Variants in MPHOSPH6 observed in about 807,000 individuals in gnomAD.
MPHOSPH6 encodes the protein M-phase phosphoprotein 6.
In MPHOSPH6, 25 loss-of-function variants were observed where a neutral mutation model predicts 21.8. That is an observed-to-expected ratio of 1.15 (90% CI 0.83 to 1.60). The LOEUF (loss-of-function observed/expected upper bound fraction) is 1.60. MPHOSPH6 is among the 40% of genes most tolerant of loss of function. The probability of loss-of-function intolerance (pLI) is 0.00; values close to 1 mark genes in which losing one functional copy is unlikely to be tolerated. For synonymous variants in MPHOSPH6, 84 were observed against 56.5 expected (o/e 1.49, Z -2.18); for missense variants, 269 against 181.8 (o/e 1.48, Z -2.76).
chr16:82,162,666 G>A (rs1167319261), intron 2 of MPHOSPH6, among the ~76,000 whole-genome samples: 2 of 152,158 alleles, frequency 1.3e-5, no homozygotes, highest in East Asian at 3.9e-4. Flanking sequence ...ACTGCCCCGA[G>A]GGGCCCCCCT....
intron 2 of MPHOSPH6, among the ~76,000 whole-genome samples, chr16:82,161,408 T>C (rs7202258): frequency 0.81 from 123,728 of 152,218 alleles, 50,380 homozygotes; most frequent in Admixed American, 0.85. Context: ...GTATAAGATG[T>C]ACAATAGCCA....
intron 1 of MPHOSPH6, among the ~76,000 whole-genome samples, chr16:82,165,414 G>A (rs1906741928): frequency 6.6e-6 from 1 of 151,936 alleles, no homozygotes; most frequent in Non-Finnish European, 1.5e-5. Flanking sequence ...GTGAGCCGCT[G>A]CGCCCGGCCC....
chr16:82,153,804 T>C (rs759698011), intron 2 of MPHOSPH6, among the ~76,000 whole-genome samples: 7 of 152,172 alleles, frequency 4.6e-5, no homozygotes, highest in Non-Finnish European at 8.8e-5. Context: ...GCTGACAAAA[T>C]TGGTGGCTTA....
At chr16:82,152,570 C>T (rs75757855) in intron 2 of MPHOSPH6, among the ~76,000 whole-genome samples, 21,431 of 152,116 alleles carry the variant, frequency 0.14, 2,228 homozygotes, top group East Asian at 0.34. Context: ...GCTGAAGGGG[C>T]AGAATTGGAA....
At chr16:82,158,039 G>A (rs1253352821) in intron 2 of MPHOSPH6, among the ~76,000 whole-genome samples, 1 of 152,158 alleles carries the variant, frequency 6.6e-6, no homozygotes, top group African/African-American at 2.4e-5. Flanking sequence ...TACCCTGGTA[G>A]TTACATTCTT....
At chr16:82,154,454 CAA>C (rs1291055020) in intron 2 of MPHOSPH6, among the ~76,000 whole-genome samples, 1 of 151,856 alleles carries the variant, frequency 6.6e-6, no homozygotes, top group Non-Finnish European at 1.5e-5. Flanking sequence ...TGCAAGGAAG[CAA>C]GAAAATGTAA....
At chr16:82,160,433 A>G (rs1394328400) in intron 2 of MPHOSPH6, among the ~76,000 whole-genome samples, 1 of 152,294 alleles carries the variant, frequency 6.6e-6, no homozygotes, top group African/African-American at 2.4e-5. Context: ...ATTCCTGCAC[A>G]TTTTTTGAGT....
intron 2 of MPHOSPH6, among the ~76,000 whole-genome samples, chr16:82,159,631 C>A (rs1342049673): frequency 6.6e-6 from 1 of 152,172 alleles, no homozygotes; most frequent in Non-Finnish European, 1.5e-5. Flanking sequence ...TGGTCTCGAT[C>A]TCCTGACGTC....
intron 2 of MPHOSPH6, among the ~76,000 whole-genome samples, chr16:82,151,780 A>G (rs1221144647): frequency 6.6e-6 from 1 of 152,240 alleles, no homozygotes; most frequent in African/African-American, 2.4e-5. Flanking sequence ...ATAAAGATCT[A>G]AAGTATTGAC....
chr16:82,166,570 G>A (rs1407154045), intron 1 of MPHOSPH6, among the ~76,000 whole-genome samples: 2 of 152,154 alleles, frequency 1.3e-5, no homozygotes, highest in African/African-American at 2.4e-5. Context: ...CCAGGACTAC[G>A]ATTCTGAATA....
chr16:82,158,047 C>T (rs1015719636), intron 2 of MPHOSPH6, among the ~76,000 whole-genome samples: 3 of 152,138 alleles, frequency 2.0e-5, no homozygotes, highest in Non-Finnish European at 4.4e-5. Context: ...TAGTTACATT[C>T]TTCACTGCCA....
At chr16:82,168,191 A>G (rs919792883) in intron 1 of MPHOSPH6, among the ~76,000 whole-genome samples, 1 of 152,196 alleles carries the variant, frequency 6.6e-6, no homozygotes, top group Non-Finnish European at 1.5e-5. Context: ...TGAGTCACCC[A>G]GTACATCATC....
intron 3 of MPHOSPH6, 142 bp from the exon 4 acceptor site, chr16:82,149,545 T>C (rs949665727): frequency 5.6e-6 from 4 of 708,242 alleles, no homozygotes; most frequent in Admixed American, 4.3e-5. Flanking sequence ...TCTGTAATAC[T>C]TGATACCACA....
At position 82,164,255 on chromosome 16, in the gene MPHOSPH6, C is replaced by T; in HGVS notation, c.52-61G>A. ...TCCCATTTTAGAACTGAGGAAACCCCAAATAATTTTCTTCTTCTACTTGTT... is the reference window on the plus strand; with the variant it reads ...TCCCATTTTAGAACTGAGGAAACCCTAAATAATTTTCTTCTTCTACTTGTT... On this transcript the variant is annotated intron_variant, in intron 1 of 4. Coordinates refer to ENST00000258169, the MANE Select transcript of MPHOSPH6 (RefSeq NM_005792.2). 3.7e-6 allele frequency: 4 copies of T among 1,089,858 alleles called. No individual in the cohort carries two copies. In the South Asian group the frequency reaches 5.6e-5, roughly 15 times the overall value. The allele number at this position is 1,089,858 out of a possible 1,614,324, so 67.5% of individuals were successfully genotyped here. A position where few individuals can be genotyped will look rare whatever the true frequency, so the allele number is the denominator to read the frequency against.
chr16:82,164,411 T>C (rs1203333921), intron 1 of MPHOSPH6, among the ~76,000 whole-genome samples: 1 of 152,220 alleles, frequency 6.6e-6, no homozygotes, highest in Non-Finnish European at 1.5e-5. Flanking sequence ...AAATGCACAA[T>C]GTATATTTCC....
intron 1 of MPHOSPH6, among the ~76,000 whole-genome samples, chr16:82,167,786 T>A (rs1457909098): frequency 6.6e-6 from 1 of 152,158 alleles, no homozygotes; most frequent in Non-Finnish European, 1.5e-5. Context: ...CAGCTGTAAA[T>A]ACAGATGAAG....
chr16:82,168,955 A>G (rs886478081), intron 1 of MPHOSPH6, among the ~76,000 whole-genome samples: 4 of 152,194 alleles, frequency 2.6e-5, no homozygotes, highest in South Asian at 2.1e-4. Flanking sequence ...TCCTGTCTAC[A>G]CTACTTATTA....
At chr16:82,159,432 T>C (rs113479674) in intron 2 of MPHOSPH6, among the ~76,000 whole-genome samples, 18,141 of 151,500 alleles carry the variant, frequency 0.12, 1,301 homozygotes, top group East Asian at 0.29. Flanking sequence ...TGAGATGGAG[T>C]CTCATTCTGT....
chr16:82,165,206 C>A (rs1450159273), intron 1 of MPHOSPH6, among the ~76,000 whole-genome samples: 1 of 143,262 alleles, frequency 7.0e-6, no homozygotes, highest in Non-Finnish European at 1.5e-5. Context: ...CAGCTCACTG[C>A]AACCTCTGCC....
Sources: gnomAD v4.1 joint callset for allele counts (sites outside exome capture counted in the v4.1 genomes callset) on GRCh38, gnomAD v4.1.1 for gene constraint, MANE v1.5 for transcripts, NCBI Gene and HGNC (gene_info 2026-07-23, HGNC 2026-07-21) for gene names.